The following CARMIL2 variants were observed in gnomAD, a reference collection of about 807,000 sequenced individuals.
CARMIL2 encodes the protein capping protein, Arp2/3 and myosin-I linker protein 2.
CARMIL2 carries 96 observed loss-of-function variants against 173.3 expected under a neutral mutation model. The ratio of observed to expected loss-of-function variants is 0.55; its 90% CI spans 0.47 to 0.66. The LOEUF is 0.66. Among genes scored for constraint, CARMIL2 ranks in the 30% least tolerant of loss-of-function variants. The pLI is 0.00. For missense variants in CARMIL2, 1,771 were observed against 1,906.7 expected, an observed-to-expected ratio of 0.93 and a Z score of 1.33; for synonymous variants, 830 against 817.1, an observed-to-expected ratio of 1.02 and a Z score of -0.27.
At position 67,652,200 on chromosome 16, in the gene CARMIL2, T is replaced by TG; in HGVS notation, c.2680dup (p.Glu894GlyfsTer22). Reference sequence around the variant, plus strand: ...ATCTTTGGCTGCTTGGTATTGCAGGTGGAGAGTCTGGCTCAGCAGGCAACA... The same window carrying TG: ...ATCTTTGGCTGCTTGGTATTGCAGGTGGGAGAGTCTGGCTCAGCAGGCAACA... On this transcript the variant is annotated frameshift_variant and splice_region_variant, in exon 27 of 38. Transcript: ENST00000334583. LOFTEE classifies it high-confidence loss of function. The surrounding 1 kb of genome is among the most constrained non-coding windows in gnomAD (Gnocchi z 4.7). The TG allele has an allele frequency of 6.2e-7, 1 of 1,611,978 alleles. No individual in the cohort carries two copies. Among genetic ancestry groups the TG allele is most frequent in the Non-Finnish European group, 8.5e-7 (1 of 1,179,676 alleles).
chr16:67,645,532 T>G lies in CARMIL2; in HGVS notation c.41-8T>G. ...ACTGAAGTCACCCAGCAGGCTGCCC[T>G]TCCACAGGCGAGATCACCAGGTTCC... On this transcript the variant is annotated splice_polypyrimidine_tract_variant and splice_region_variant and intron_variant, in intron 1 of 37. Transcript: ENST00000334583. 6.3e-7 allele frequency: 1 copy of G among 1,591,608 alleles called. No individual in the cohort carries two copies. Among genetic ancestry groups the G allele is most frequent in the Non-Finnish European group, 8.6e-7 (1 of 1,169,492 alleles).
intron 32 of CARMIL2, among the ~76,000 whole-genome samples, chr16:67,655,212 C>T (rs1004548219): frequency 1.3e-5 from 2 of 152,156 alleles, no homozygotes; most frequent in African/African-American, 4.8e-5. Flanking sequence ...AGGTGGATTA[C>T]CTGAGGTCAG....
At position 67,648,202 on chromosome 16, in the gene CARMIL2, C is replaced by CCGA. The variant is rs1567628945; in HGVS notation, c.1223_1224insGAC (p.Pro408_Pro409insThr). On this transcript the variant is annotated inframe_insertion, in exon 14 of 38. Coordinates refer to ENST00000334583, the MANE Select transcript of CARMIL2 (RefSeq NM_001013838.3). The surrounding 1 kb of genome is among the most constrained non-coding windows in gnomAD (Gnocchi z 6.1). ...GAGGGCGGGACGGGGAGGGCTCGGTCCCCCCGCGGGTGTAGCCAACAGCCT... is the reference window on the plus strand; with the variant it reads ...GAGGGCGGGACGGGGAGGGCTCGGTCCGACCCCCGCGGGTGTAGCCAACAGCCT... The CCGA allele has an allele frequency of 3.1e-6, 5 of 1,604,470 alleles. No homozygotes were observed. Among genetic ancestry groups the CCGA allele is most frequent in the Non-Finnish European group, 4.3e-6 (5 of 1,176,356 alleles).
chr16:67,647,053 T>A lies in CARMIL2; in HGVS notation c.612-63T>A, dbSNP rs60990105. On this transcript the variant is annotated intron_variant, in intron 8 of 37. Coordinates refer to ENST00000334583, the MANE Select transcript of CARMIL2 (RefSeq NM_001013838.3). Reference sequence around the variant, plus strand: ...GGCCTCAGTTTCTCCATGGAGGGGCTGCTGGGCCTGGGACCTGGCTGGAGG... The same window carrying A: ...GGCCTCAGTTTCTCCATGGAGGGGCAGCTGGGCCTGGGACCTGGCTGGAGG... 184,069 of 1,606,850 alleles carry A rather than the reference T, an allele frequency of 0.11. 12,494 individuals carry two copies. Among genetic ancestry groups the A allele is most frequent in the African/African-American group, 0.29 (21,796 of 74,878 alleles).
chr16:67,648,660 C>T lies in CARMIL2; in HGVS notation c.1440-25C>T. The T allele has an allele frequency of 1.3e-6, 2 of 1,591,644 alleles. No homozygotes were observed. Among genetic ancestry groups the T allele is most frequent in the Non-Finnish European group, 1.7e-6 (2 of 1,169,752 alleles). ...TGGAGCCCCCTGTCCCAGCTCCCGC[C>T]ACCCCGTGTAACGTCCTCTCCCAGA... On this transcript the variant is annotated intron_variant, in intron 15 of 37. Coordinates refer to ENST00000334583, the MANE Select transcript of CARMIL2 (RefSeq NM_001013838.3). This position sits in a 1 kb window ranked among gnomAD's most constrained non-coding sequence, Gnocchi z 6.1.
At position 67,648,600 on chromosome 16, in the gene CARMIL2, C is replaced by T; in HGVS notation, c.1440-85C>T. The T allele has an allele frequency of 6.7e-7, 1 of 1,498,124 alleles. No individual in the cohort carries two copies. The highest frequency in any genetic ancestry group is 9.1e-7 in the Non-Finnish European group (1 of 1,099,122). The allele number at this position is 1,498,124 out of a possible 1,614,324, so 92.8% of individuals were successfully genotyped here. A position where few individuals can be genotyped will look rare whatever the true frequency, so the allele number is the denominator to read the frequency against. On this transcript the variant is annotated intron_variant, in intron 15 of 37. Transcript: ENST00000334583. This position sits in a 1 kb window ranked among gnomAD's most constrained non-coding sequence, Gnocchi z 6.1. ...TGCTTCTGTCGCTCCCACAACCTCC[C>T]CCAGATCCTGGCCCTGCCTCCTTCG...
At position 67,647,401 on chromosome 16, in the gene CARMIL2, G is replaced by A. The variant is rs1407243120; in HGVS notation, c.776+14G>A. The A allele has an allele frequency of 1.3e-6, 2 of 1,568,816 alleles. No homozygotes were observed. The highest frequency in any genetic ancestry group is 8.6e-7 in the Non-Finnish European group (1 of 1,156,774). On this transcript the variant is annotated intron_variant, in intron 10 of 37. Transcript: ENST00000334583. ...CAGCCTGAGGGGGTGAGGGGGACAG[G>A]GCAGGGCTTGGAGAGGAGAGTCTGG...
chr16:67,654,069 A>C, intron 29 of CARMIL2, 80 bp from the exon 30 acceptor site: 9 of 872,656 alleles, frequency 1.0e-5, no homozygotes, highest in Non-Finnish European at 1.5e-5. Context: ...TATTCAGTCC[A>C]GGCTGCCGGC....
Position 67,654,369 on chromosome 16 carries a change from G to A in CARMIL2, c.3259G>A (p.Ala1087Thr), listed in dbSNP as rs375479502. ...PEEDPATEGGATPVPRTLRKK... is the reference protein window; with the variant it reads ...PEEDPATEGGTTPVPRTLRKK... Reference sequence around the variant, plus strand: ...GGAGGACCCGGCCACTGAGGGGGGCGCCACTCCTGTCCCCCGTACACTGCG... The same window carrying A: ...GGAGGACCCGGCCACTGAGGGGGGCACCACTCCTGTCCCCCGTACACTGCG... The change falls in exon 31 of 38, where the codon GCC becomes ACC. Residue 1087 changes from alanine to threonine, a missense_variant. Coordinates refer to ENST00000334583, the MANE Select transcript of CARMIL2 (RefSeq NM_001013838.3). The A allele has an allele frequency of 1.5e-5, 24 of 1,603,214 alleles. No homozygotes were observed. Among genetic ancestry groups the A allele is most frequent in the Admixed American group, 5.1e-5 (3 of 58,592 alleles).
chr16:67,649,196 G>T lies in CARMIL2; in HGVS notation c.1688+24G>T. The T allele has an allele frequency of 6.2e-7, 1 of 1,612,876 alleles. No individual in the cohort carries two copies. The highest frequency in any genetic ancestry group is 8.5e-7 in the Non-Finnish European group (1 of 1,179,432). ...AAGTGAGCCCCCACCCTACTCCTGGGCCTCCCAGACAACACCCCACCACCC... is the reference window on the plus strand; with the variant it reads ...AAGTGAGCCCCCACCCTACTCCTGGTCCTCCCAGACAACACCCCACCACCC... On this transcript the variant is annotated intron_variant, in intron 18 of 37. Transcript: ENST00000334583. The surrounding 1 kb of genome is among the most constrained non-coding windows in gnomAD (Gnocchi z 6.7).
intron 29 of CARMIL2, 54 bp from the exon 30 acceptor site, chr16:67,654,095 G>GT: frequency 1.2e-6 from 1 of 855,840 alleles, no homozygotes; most frequent in Non-Finnish European, 1.6e-6. Context: ...GGGGGGGGGG[G>GT]TAGAAGCCAG....
At chr16:67,656,913 T>C (rs370150287) in intron 36 of CARMIL2, 32 bp downstream of exon 36, 6 of 1,494,168 alleles carry the variant, frequency 4.0e-6, no homozygotes, top group East Asian at 2.5e-5. Flanking sequence ...TGTGCTTGAA[T>C]GCAGGAGATG....
At chr16:67,656,378 T>C (rs1413827799) in intron 34 of CARMIL2, 46 bp from the exon 35 acceptor site, 1 of 1,609,228 alleles carries the variant, frequency 6.2e-7, no homozygotes, top group South Asian at 1.1e-5. Context: ...TTCAGACCTA[T>C]CGCCAATGCC....
chr16:67,646,341 G>A lies in CARMIL2; in HGVS notation c.374+31G>A. 6.2e-7 allele frequency: 1 copy of A among 1,609,894 alleles called. No individual in the cohort carries two copies. The stretch of plus-strand genomic sequence containing the variant: ...GCCTGGCAAATTCGAGGGGCTGGCA[G>A]GGGAGGAGGGAGTGCATGAGAAGGG... On this transcript the variant is annotated intron_variant, in intron 5 of 37. Transcript: ENST00000334583. This position sits in a 1 kb window ranked among gnomAD's most constrained non-coding sequence, Gnocchi z 4.6.
At position 67,653,028 on chromosome 16, in the gene CARMIL2, A is replaced by G. The variant is rs988172294; in HGVS notation, c.2894A>G (p.Glu965Gly). The change falls in exon 29 of 38, where the codon GAG (glutamate) becomes GGG (glycine). Residue 965 changes from glutamate to glycine, a missense_variant. This residue lies in a region of CARMIL2 where 817 missense variants were observed against 903.5 expected (regional missense o/e 0.90). Transcript: ENST00000334583. The surrounding 1 kb of genome is among the most constrained non-coding windows in gnomAD (Gnocchi z 7.4). ...GGTGCTGTCCCCTCAGGTGCTGCTG[A>G]GGAAGCGGAGCCGGAGCCCGAGCTG... ...HLVPFIHSAA[E>G]EAEPEPELAA... 5.5e-6 allele frequency: 7 copies of G among 1,268,240 alleles called. No homozygotes were observed. The Admixed American group carries it at 2.5e-4, about 46-fold the overall frequency. The allele number at this position is 1,268,240 out of a possible 1,614,324, so 78.6% of individuals were successfully genotyped here.
chr16:67,654,357 A>G lies in CARMIL2; in HGVS notation c.3247A>G (p.Thr1083Ala). Residue 1083 changes from threonine (T) to alanine (A), a missense_variant, in exon 31 of 38, where the codon ACT becomes GCT. Thr to Ala is a moderately conservative substitution (Grantham distance 58). This residue lies in a region of CARMIL2 where 817 missense variants were observed against 903.5 expected (regional missense o/e 0.90). Transcript: ENST00000334583. The part of the protein sequence containing the change: ...RLWAPEEDPA[T>A]EGGATPVPRT... ...CTGGGCCCCCGAGGAGGACCCGGCC[A>G]CTGAGGGGGGCGCCACTCCTGTCCC... The G allele has an allele frequency of 6.2e-7, 1 of 1,601,392 alleles. No individual in the cohort carries two copies. The highest frequency in any genetic ancestry group is 8.5e-7 in the Non-Finnish European group (1 of 1,174,492).
intron 10 of CARMIL2, 39 bp downstream of exon 10, chr16:67,647,426 G>C (rs1434291223): frequency 6.4e-6 from 10 of 1,560,006 alleles, no homozygotes; most frequent in Middle Eastern, 1.7e-4. Context: ...GGAGAGTCTG[G>C]AGGCTTGGGA....
In CARMIL2 at chr16:67,651,625, C is replaced by G; in HGVS notation, c.2428-60C>G. On this transcript the variant is annotated intron_variant, in intron 24 of 37. Transcript: ENST00000334583. The surrounding 1 kb of genome is among the most constrained non-coding windows in gnomAD (Gnocchi z 4.2). ...CAATATTCTGTTGGAGTTGGAGCCT[C>G]AAGCCAGCAGCCTGGTGTCTGGCCA... The G allele has an allele frequency of 6.3e-7, 1 of 1,580,848 alleles. No homozygotes were observed. The highest frequency in any genetic ancestry group is 8.6e-7 in the Non-Finnish European group (1 of 1,164,146).
chr16:67,645,445 C>T lies in CARMIL2; in HGVS notation c.41-95C>T, dbSNP rs73597578. On this transcript the variant is annotated intron_variant, in intron 1 of 37. Coordinates refer to ENST00000334583, the MANE Select transcript of CARMIL2 (RefSeq NM_001013838.3). ...CTCTCCCCTCCTTCCTCGCTGGCCG[C>T]AGATAAGCCCCAGGGCCCCAGCCTG... The T allele has an allele frequency of 0.11, 155,443 of 1,384,752 alleles. 10,458 individuals carry two copies. Among genetic ancestry groups the T allele is most frequent in the African/African-American group, 0.28 (19,215 of 69,704 alleles). 85.8% of individuals were successfully genotyped at this position (1,384,752 alleles called of 1,614,324 possible).
Sources: allele counts gnomAD v4.1 joint callset (sites outside exome capture counted in the v4.1 genomes callset), GRCh38; gene constraint gnomAD v4.1.1; regional missense constraint gnomAD v4.1.1; non-coding constraint Gnocchi (gnomAD v3.1); transcripts MANE v1.5; gene names NCBI Gene and HGNC (gene_info 2026-07-23, HGNC 2026-07-21).